TIAM2: variants seen among roughly 807,000 people sequenced by gnomAD.
TIAM2 encodes the protein rho guanine nucleotide exchange factor TIAM2.
TIAM2 carries 80 observed loss-of-function variants against 152.9 expected under a neutral mutation model. That is an observed-to-expected ratio of 0.52 (90% confidence interval 0.44 to 0.63). The LOEUF is 0.63. Ranked by LOEUF, TIAM2 falls within the 30% of genes least tolerant of loss-of-function variation. The pLI is 0.00. For synonymous variants in TIAM2, 804 were observed against 838.0 expected, an observed-to-expected ratio of 0.96 and a Z score of 0.70; for missense variants, 1,965 against 2,120.1, an observed-to-expected ratio of 0.93 and a Z score of 1.44.
chr6:155,250,394 C>A, intron 21 of TIAM2: 2 of 479,054 alleles, frequency 4.2e-6, no homozygotes, highest in Non-Finnish European at 6.8e-6. Context: ...TCCTTTTTAT[C>A]TGATTGCTTA....
rs112883394 is a variant in TIAM2, at chr6:155,146,251, C to T, written c.1803+1473C>T. 1.9e-3 allele frequency among the ~76,000 whole-genome samples: 290 copies of T among 152,146 alleles called. 2 individuals carry two copies. Among genetic ancestry groups the T allele is most frequent in the African/African-American group, 6.3e-3 (261 of 41,518 alleles). On this transcript the variant is annotated intron_variant, in intron 6 of 26. Coordinates refer to ENST00000682666, the MANE Select transcript of TIAM2 (RefSeq NM_012454.4). ...AAAAAATTAGCCAGGCATGGTGGTG[C>T]GCACCTGTGGTCCCAGCTACTTGGG...
chr6:155,227,632 C>T (rs140636013), intron 15 of TIAM2, among the ~76,000 whole-genome samples: 1 of 152,250 alleles, frequency 6.6e-6, no homozygotes, highest in African/African-American at 2.4e-5. Flanking sequence ...ATTTACTCTT[C>T]AATTGATTTA....
At chr6:155,033,840 C>T (rs1776868321) in intron 1 of TIAM2, among the ~76,000 whole-genome samples, 1 of 151,860 alleles carries the variant, frequency 6.6e-6, no homozygotes, top group Non-Finnish European at 1.5e-5. Context: ...CCTTAGCCTT[C>T]TGAGTAGCCA....
At chr6:155,212,654 G>T (rs1781749775) in intron 15 of TIAM2, among the ~76,000 whole-genome samples, 1 of 152,020 alleles carries the variant, frequency 6.6e-6, no homozygotes, top group Admixed American at 6.5e-5. Context: ...GTGGCCAAGG[G>T]TGCTTTTGCC....
rs941424045 is a variant in TIAM2, at chr6:155,183,140, C to T, written c.2801-97C>T. On this transcript the variant is annotated intron_variant, in intron 13 of 26. Transcript: ENST00000682666. ...AAAGCAACAAACAAAACAGTCCCTA[C>T]GAGTACATGGTTTGAGTTTGCAGCC... The T allele has an allele frequency of 1.7e-5, 25 of 1,462,582 alleles. No individual in the cohort carries two copies. In the South Asian group the frequency reaches 1.9e-4, roughly 11 times the overall value. The allele number at this position is 1,462,582 out of a possible 1,614,324, so 90.6% of individuals were successfully genotyped here.
intron 1 of TIAM2, among the ~76,000 whole-genome samples, chr6:155,035,462 C>A (rs978786551): frequency 5.9e-5 from 9 of 152,170 alleles, no homozygotes; most frequent in African/African-American, 2.2e-4. Context: ...CTCAGACGAT[C>A]CACCCGTTTT....
chr6:155,041,939 T>C (rs1037209138), intron 1 of TIAM2, among the ~76,000 whole-genome samples: 3 of 152,212 alleles, frequency 2.0e-5, no homozygotes, highest in Non-Finnish European at 4.4e-5. Context: ...CAGTTTTGTA[T>C]TGGAATCTGT....
Position 155,129,872 on chromosome 6 carries a change from G to C in TIAM2, c.649G>C (p.Gly217Arg), listed in dbSNP as rs372119177. Residue 217 changes from glycine (G) to arginine (R), a missense_variant, in exon 4 of 27, where the codon GGG (glycine) becomes CGG (arginine). Coordinates refer to ENST00000682666, the MANE Select transcript of TIAM2 (RefSeq NM_012454.4). The surrounding 1 kb of genome is among the most constrained non-coding windows in gnomAD (Gnocchi z 4.8). Reference protein sequence around the residue: ...ETSPVPEARRGSSADSLPSHR... With the variant: ...ETSPVPEARRRSSADSLPSHR... ...CTCCCCTGTGCCTGAAGCCAGGAGG[G>C]GGTCCAGCGCCGATTCCCTGCCCAG... 1 of 1,613,566 alleles carries C rather than the reference G, an allele frequency of 6.2e-7. No individual in the cohort carries two copies. The highest frequency in any genetic ancestry group is 8.5e-7 in the Non-Finnish European group (1 of 1,180,024).
chr6:155,075,610 A>C (rs1777938952), intron 1 of TIAM2, among the ~76,000 whole-genome samples: 1 of 152,222 alleles, frequency 6.6e-6, no homozygotes, highest in Non-Finnish European at 1.5e-5. Context: ...TTGGATTTTG[A>C]ATTATTCAGA....
intron 4 of TIAM2, among the ~76,000 whole-genome samples, chr6:155,132,974 C>T (rs980198587): frequency 1.3e-4 from 20 of 152,194 alleles, no homozygotes; most frequent in South Asian, 6.2e-4. Flanking sequence ...ACCCTCCCTG[C>T]GTCTCCTACC....
At chr6:155,254,309 C>T in intron 25 of TIAM2, 110 bp from the exon 26 acceptor site, 2 of 1,441,376 alleles carry the variant, frequency 1.4e-6, no homozygotes, top group Non-Finnish European at 1.9e-6. Context: ...GGGTGGCTGG[C>T]TGGCAGCCTG....
chr6:155,154,055 T>G (rs1013196827), intron 7 of TIAM2, among the ~76,000 whole-genome samples: 21 of 152,202 alleles, frequency 1.4e-4, no homozygotes, highest in African/African-American at 5.1e-4. Context: ...GCAAAGGTAT[T>G]TACAGATCAA....
intron 14 of TIAM2, among the ~76,000 whole-genome samples, chr6:155,185,490 T>TTTTA (rs57784770): frequency 6.6e-4 from 96 of 146,054 alleles, no homozygotes; most frequent in Non-Finnish European, 8.2e-4. Context: ...GTTAAGCCAC[T>TTTTA]TTTATTTATT....
Position 155,179,031 on chromosome 6 carries a change from C to G in TIAM2, c.2524-8C>G. 1 of 1,602,028 alleles carries G rather than the reference C, an allele frequency of 6.2e-7. No homozygotes were observed. Among genetic ancestry groups the G allele is most frequent in the East Asian group, 2.2e-5 (1 of 44,830 alleles). ...TTAAAATCTGAATAACTGTCTTTTT[C>G]TTTATAGATGAGGCAGTTGGAACCC... On this transcript the variant is annotated splice_region_variant and splice_polypyrimidine_tract_variant and intron_variant, in intron 10 of 26. Coordinates refer to ENST00000682666, the MANE Select transcript of TIAM2 (RefSeq NM_012454.4).
intron 7 of TIAM2, among the ~76,000 whole-genome samples, chr6:155,151,296 C>G (rs1484126854): frequency 6.6e-6 from 1 of 152,228 alleles, no homozygotes; most frequent in East Asian, 1.9e-4. Context: ...TTGGTGCGCC[C>G]TAGCATGTGA....
intron 1 of TIAM2, among the ~76,000 whole-genome samples, chr6:155,075,991 G>A (rs1483350911): frequency 6.6e-6 from 1 of 152,180 alleles, no homozygotes; most frequent in Non-Finnish European, 1.5e-5. Flanking sequence ...CACATCAGCT[G>A]TTAAACCACG....
chr6:155,122,674 C>T (rs1779196602), intron 2 of TIAM2, among the ~76,000 whole-genome samples: 2 of 152,088 alleles, frequency 1.3e-5, no homozygotes, highest in South Asian at 2.1e-4. Context: ...CTTGGTGCCA[C>T]ATTATTCCAG....
chr6:155,108,541 A>C (rs1778753067), intron 2 of TIAM2, among the ~76,000 whole-genome samples: 1 of 152,226 alleles, frequency 6.6e-6, no homozygotes, highest in South Asian at 2.1e-4. Flanking sequence ...ACCAGACCGT[A>C]AATAGTGTTT....
intron 2 of TIAM2, among the ~76,000 whole-genome samples, chr6:155,101,301 G>T (rs1778544798): frequency 6.6e-6 from 1 of 152,096 alleles, no homozygotes; most frequent in Non-Finnish European, 1.5e-5. Context: ...ATTTCTCAAG[G>T]TCTGTGTTCC....
Sources: allele counts gnomAD v4.1 joint callset (sites outside exome capture counted in the v4.1 genomes callset), GRCh38; gene constraint gnomAD v4.1.1; non-coding constraint Gnocchi (gnomAD v3.1); transcripts MANE v1.5; gene names NCBI Gene and HGNC (gene_info 2026-07-23, HGNC 2026-07-21).